Variants in APP observed in about 807,000 individuals in gnomAD.
APP encodes the protein amyloid beta precursor protein, also known as amyloid-beta precursor protein.
A neutral mutation model predicts 101.4 loss-of-function variants in APP; 31 were observed. That is an observed-to-expected ratio of 0.31 (90% confidence interval 0.23 to 0.41). APP has a LOEUF of 0.41. APP is among the 10% of genes least tolerant of loss of function. The pLI, the probability that APP is intolerant of heterozygous loss-of-function variation, is 1.00. For missense variants in APP, 839 were observed against 1,003.7 expected (o/e 0.84, Z 2.22); for synonymous variants, 366 against 364.4 (o/e 1.00, Z -0.05).
rs533312053 is a variant in APP, at chr21:25,905,833, A to G, written c.1910-756T>C. Among the ~76,000 whole-genome samples, 4 of 152,348 alleles carry G rather than the reference A, an allele frequency of 2.6e-5. No individual in the cohort carries two copies. The South Asian group carries it at 8.3e-4, about 32-fold the overall frequency. On this transcript the variant is annotated intron_variant, in intron 14 of 17. Coordinates refer to ENST00000346798, the MANE Select transcript of APP (RefSeq NM_000484.4). The stretch of plus-strand genomic sequence containing the variant: ...TTCCTCACCATCATCTGACCTTTCC[A>G]AAGCACTTCTGATGCTCAGAAAATA...
At chr21:25,958,869 A>AAC (rs2041450530) in intron 11 of APP, among the ~76,000 whole-genome samples, 1 of 152,218 alleles carries the variant, frequency 6.6e-6, no homozygotes, top group South Asian at 2.1e-4. Flanking sequence ...TTTTGCTGGT[A>AAC]ACTCATCAAA....
rs1030200255 is a variant in APP, at chr21:25,973,884, G to C, written c.1458+1186C>G. ...AAACCCAGGAGACAGAAGTTGCAGT[G>C]AGCTGAGATTGCACCACTGCACTCC... On this transcript the variant is annotated intron_variant, in intron 11 of 17. Coordinates refer to ENST00000346798, the MANE Select transcript of APP (RefSeq NM_000484.4). Among the ~76,000 whole-genome samples, 4 of 148,214 alleles carry C rather than the reference G, an allele frequency of 2.7e-5. No individual in the cohort carries two copies. In the Admixed American group the frequency reaches 2.7e-4, roughly 10 times the overall value.
chr21:26,129,063 T>G (rs1030793895), intron 1 of APP, among the ~76,000 whole-genome samples: 1 of 152,154 alleles, frequency 6.6e-6, no homozygotes, highest in Non-Finnish European at 1.5e-5. Flanking sequence ...AAGAGAGGAT[T>G]AGAATGAAGG....
intron 2 of APP, among the ~76,000 whole-genome samples, chr21:26,091,856 G>C (rs2061833544): frequency 6.6e-6 from 1 of 152,186 alleles, no homozygotes; most frequent in South Asian, 2.1e-4. Context: ...ACTTCGACCT[G>C]AGAAGGCTAC....
intron 11 of APP, among the ~76,000 whole-genome samples, chr21:25,968,523 T>C (rs1159758345): frequency 6.6e-6 from 1 of 152,064 alleles, no homozygotes; most frequent in East Asian, 1.9e-4. Context: ...AGTCAAACAA[T>C]GCATTTTTAG....
chr21:26,002,236 C>A (rs776214415), intron 6 of APP, among the ~76,000 whole-genome samples: 1 of 152,208 alleles, frequency 6.6e-6, no homozygotes, highest in Admixed American at 6.5e-5. Context: ...TGTTTGACAC[C>A]TTCTGGGCTT....
chr21:26,169,297 G>A (rs2063686759), intron 1 of APP: 1 of 152,340 alleles, frequency 6.6e-6, no homozygotes, highest in Non-Finnish European at 1.5e-5. Context: ...CATCTTCTCC[G>A]TCTTAATCTT....
At chr21:26,042,747 AT>A (rs2081593581) in intron 5 of APP, among the ~76,000 whole-genome samples, 1 of 151,898 alleles carries the variant, frequency 6.6e-6, no homozygotes, top group Non-Finnish European at 1.5e-5. Context: ...TACAAAAAAA[AT>A]AAATAAATCA....
chr21:25,999,179 C>T (rs1206511049), intron 7 of APP, among the ~76,000 whole-genome samples: 2 of 152,144 alleles, frequency 1.3e-5, no homozygotes, highest in Non-Finnish European at 2.9e-5. Flanking sequence ...GTGATCCTAG[C>T]TGCTGGGGAG....
intron 6 of APP, among the ~76,000 whole-genome samples, chr21:26,004,275 C>CTTTTTTT (rs71183538): frequency 1.9e-4 from 14 of 72,804 alleles, no homozygotes; most frequent in Admixed American, 2.0e-4. Flanking sequence ...TGTATTAATT[C>CTTTTTTT]TTTTTTTTTT....
intron 1 of APP, among the ~76,000 whole-genome samples, chr21:26,150,178 A>C (rs925057872): frequency 6.6e-5 from 10 of 152,222 alleles, no homozygotes; most frequent in African/African-American, 1.9e-4. Context: ...CATTTTAACA[A>C]AGAGCAATAA....
chr21:25,921,406 C>G (rs1359567585), intron 13 of APP, among the ~76,000 whole-genome samples: 2 of 143,914 alleles, frequency 1.4e-5, no homozygotes, highest in Non-Finnish European at 3.1e-5. Context: ...AATAGAGACA[C>G]AAAAAACCCT....
intron 1 of APP, among the ~76,000 whole-genome samples, chr21:26,162,349 A>C (rs184857019): frequency 7.1e-4 from 108 of 152,356 alleles, no homozygotes; most frequent in African/African-American, 2.5e-3. Context: ...CACAGTATCA[A>C]TATGCTTTTG....
chr21:25,896,167 C>T (rs184954850), intron 16 of APP, among the ~76,000 whole-genome samples: 19 of 152,218 alleles, frequency 1.2e-4, no homozygotes, highest in Non-Finnish European at 2.5e-4. Context: ...GATCTTATAA[C>T]AACTGATACT....
At chr21:26,095,393 C>T (rs562898856) in intron 2 of APP, among the ~76,000 whole-genome samples, 1 of 152,342 alleles carries the variant, frequency 6.6e-6, no homozygotes, top group African/African-American at 2.4e-5. Flanking sequence ...TACATGCTAC[C>T]TGCCATTGAT....
intron 14 of APP, among the ~76,000 whole-genome samples, chr21:25,906,584 G>C (rs1333407187): frequency 6.6e-6 from 1 of 152,220 alleles, no homozygotes; most frequent in East Asian, 1.9e-4. Flanking sequence ...TATTTCACTA[G>C]TGCATTAGAG....
intron 3 of APP, among the ~76,000 whole-genome samples, chr21:26,079,717 C>G (rs2061558836): frequency 6.6e-6 from 1 of 152,142 alleles, no homozygotes; most frequent in Admixed American, 6.5e-5. Context: ...AAAAATGTGA[C>G]CATGACCGTG....
chr21:26,106,384 T>G (rs1474113995), intron 2 of APP, among the ~76,000 whole-genome samples: 1 of 152,156 alleles, frequency 6.6e-6, no homozygotes, highest in African/African-American at 2.4e-5. Flanking sequence ...ATACAAATTG[T>G]TTAGGGGGTT....
In APP at chr21:26,028,655, G is replaced by GCATT. The variant is rs1184050761; in HGVS notation, c.663-6617_663-6614dup. Among the ~76,000 whole-genome samples the GCATT allele has an allele frequency of 1.6e-4, 24 of 152,232 alleles. 1 individual carries two copies. The East Asian group carries it at 3.7e-3, about 23-fold the overall frequency. Reference sequence around the variant, plus strand: ...TGATAATGAGCAAAAAAGTGGCAATGCATTCATTCATTCATCCATTGAATC... The same window carrying GCATT: ...TGATAATGAGCAAAAAAGTGGCAATGCATTCATTCATTCATTCATCCATTGAATC... On this transcript the variant is annotated intron_variant, in intron 5 of 17. Transcript: ENST00000346798.
Sources: allele counts gnomAD v4.1 joint callset (sites outside exome capture counted in the v4.1 genomes callset), GRCh38; gene constraint gnomAD v4.1.1; transcripts MANE v1.5; gene names NCBI Gene and HGNC (gene_info 2026-07-23, HGNC 2026-07-21).